DPP10: variants seen among roughly 807,000 people sequenced by gnomAD.
DPP10 encodes dipeptidyl peptidase like 10, also known as inactive dipeptidyl peptidase 10.
Under a neutral mutation model 120.9 loss-of-function variants are expected in DPP10, and 33 were observed. The ratio of observed to expected loss-of-function variants is 0.27; its 90% CI spans 0.21 to 0.37. The LOEUF is 0.37. Among genes scored for constraint, DPP10 ranks in the 10% least tolerant of loss-of-function variants. The pLI is 1.00. For synonymous variants in DPP10, 337 were observed against 326.1 expected (o/e 1.03, Z -0.36); for missense variants, 816 against 942.8 (o/e 0.87, Z 1.76).
chr2:114,788,251 A>G (rs1274122360), intron 1 of DPP10, among the ~76,000 whole-genome samples: 1 of 152,080 alleles, frequency 6.6e-6, no homozygotes, highest in Admixed American at 6.6e-5. Flanking sequence ...ATTTTCCTAC[A>G]TTTTAATATT....
At chr2:114,753,631 T>C (rs539359774) in intron 1 of DPP10, among the ~76,000 whole-genome samples, 2 of 152,026 alleles carry the variant, frequency 1.3e-5, no homozygotes, top group African/African-American at 4.8e-5. Flanking sequence ...GAAAATGGGC[T>C]GGGCGCGGTG....
At chr2:115,781,134 T>C in intron 16 of DPP10, 139 bp downstream of exon 16, 1 of 569,566 alleles carries the variant, frequency 1.8e-6, no homozygotes, top group Non-Finnish European at 2.7e-6. Context: ...ATACATTATA[T>C]ATAGACTTAC....
intron 3 of DPP10, among the ~76,000 whole-genome samples, chr2:115,490,137 A>G (rs1476595544): frequency 6.6e-6 from 1 of 152,120 alleles, no homozygotes; most frequent in Non-Finnish European, 1.5e-5. Flanking sequence ...TTATAGTTGT[A>G]TTAGCCTGTT....
At chr2:114,538,011 A>G (rs1393459640) in intron 1 of DPP10, among the ~76,000 whole-genome samples, 1 of 152,240 alleles carries the variant, frequency 6.6e-6, no homozygotes, top group Non-Finnish European at 1.5e-5. Flanking sequence ...CCTTAACACT[A>G]GTTCATTGAT....
chr2:115,580,203 A>G (rs1216392218), intron 5 of DPP10: 1 of 152,226 alleles, frequency 6.6e-6, no homozygotes, highest in Non-Finnish European at 1.5e-5. Context: ...TAGTGCCATT[A>G]GCATTTTCTT....
At chr2:114,807,866 A>G (rs553151585) in intron 1 of DPP10, among the ~76,000 whole-genome samples, 1 of 152,316 alleles carries the variant, frequency 6.6e-6, no homozygotes, top group East Asian at 1.9e-4. Flanking sequence ...AGAGGCTCAG[A>G]TGTCTGGGGA....
At chr2:115,723,591 G>C (rs2149619930) in intron 7 of DPP10, among the ~76,000 whole-genome samples, 1 of 146,290 alleles carries the variant, frequency 6.8e-6, no homozygotes, top group African/African-American at 2.5e-5. Flanking sequence ...CTGCAGGTTG[G>C]TGTATTTTGT....
intron 1 of DPP10, among the ~76,000 whole-genome samples, chr2:115,060,546 T>A (rs935580310): frequency 6.6e-6 from 1 of 152,206 alleles, no homozygotes; most frequent in Admixed American, 6.5e-5. Context: ...GAGCGGAGAC[T>A]GTGCCACTGC....
At chr2:114,800,514 A>G (rs890818699) in intron 1 of DPP10, among the ~76,000 whole-genome samples, 1 of 152,218 alleles carries the variant, frequency 6.6e-6, no homozygotes, top group South Asian at 2.1e-4. Flanking sequence ...GAATAGCACA[A>G]AAGAGTCTTA....
chr2:115,647,648 G>T (rs1168198482), intron 5 of DPP10, among the ~76,000 whole-genome samples: 1 of 152,074 alleles, frequency 6.6e-6, no homozygotes, highest in Non-Finnish European at 1.5e-5. Flanking sequence ...ATATAAAACA[G>T]AAATTAATTT....
At chr2:115,154,426 T>C (rs2104918025) in intron 1 of DPP10, among the ~76,000 whole-genome samples, 1 of 152,288 alleles carries the variant, frequency 6.6e-6, no homozygotes, top group African/African-American at 2.4e-5. Flanking sequence ...CTTACTCATA[T>C]CCAACATCAG....
intron 1 of DPP10, among the ~76,000 whole-genome samples, chr2:114,917,333 T>C (rs907541013): frequency 6.6e-6 from 1 of 152,080 alleles, no homozygotes; most frequent in Non-Finnish European, 1.5e-5. Flanking sequence ...CATAAACAAA[T>C]GGAAAAACAT....
intron 11 of DPP10, 80 bp from the exon 12 acceptor site, chr2:115,762,492 A>G: frequency 6.9e-7 from 1 of 1,457,668 alleles, no homozygotes; most frequent in Non-Finnish European, 9.6e-7. Flanking sequence ...AAAACTGATA[A>G]CCGTGTTTTA....
intron 1 of DPP10, among the ~76,000 whole-genome samples, chr2:115,248,659 G>C (rs1290912693): frequency 6.6e-6 from 1 of 151,996 alleles, no homozygotes; most frequent in Non-Finnish European, 1.5e-5. Flanking sequence ...TGGGGTAAAG[G>C]GTAGCAAACT....
intron 1 of DPP10, among the ~76,000 whole-genome samples, chr2:115,079,112 G>A (rs1708038273): frequency 6.6e-6 from 1 of 152,222 alleles, no homozygotes; most frequent in South Asian, 2.1e-4. Context: ...CGGGCGCGGT[G>A]GCTCACGCCT....
In DPP10 at chr2:115,547,602, G is replaced by A. The variant is rs543239341; in HGVS notation, c.441+21630G>A. Among the ~76,000 whole-genome samples, 30 of 151,966 alleles carry A rather than the reference G, an allele frequency of 2.0e-4. No homozygotes were observed. In the East Asian group the frequency reaches 4.9e-3, roughly 25 times the overall value. On this transcript the variant is annotated intron_variant, in intron 5 of 25. Coordinates refer to ENST00000410059, the MANE Select transcript of DPP10 (RefSeq NM_020868.6). The stretch of plus-strand genomic sequence containing the variant: ...TGCCTGGGCAACATGGTGAAACCCC[G>A]CCTCTACAAAAGAATTAGCTGGGCA...
chr2:115,780,038 G>A lies in DPP10; in HGVS notation c.1362-836G>A, dbSNP rs567319593. 5.5e-4 allele frequency among the ~76,000 whole-genome samples: 84 copies of A among 151,854 alleles called. 1 individual carries two copies. Among genetic ancestry groups the A allele is most frequent in the African/African-American group, 1.4e-3 (59 of 41,492 alleles). Reference sequence around the variant, plus strand: ...GAATATTGTTCATTTGTAAATATACGACCAAAAATCATGTTTCATTCCAAA... The same window carrying A: ...GAATATTGTTCATTTGTAAATATACAACCAAAAATCATGTTTCATTCCAAA... On this transcript the variant is annotated intron_variant, in intron 15 of 25. Coordinates refer to ENST00000410059, the MANE Select transcript of DPP10 (RefSeq NM_020868.6).
chr2:115,606,397 A>T (rs2083708784), intron 5 of DPP10, among the ~76,000 whole-genome samples: 1 of 152,180 alleles, frequency 6.6e-6, no homozygotes, highest in African/African-American at 2.4e-5. Context: ...ATAACACTAC[A>T]TTAAAAATAT....
intron 5 of DPP10, among the ~76,000 whole-genome samples, chr2:115,616,162 G>C (rs1305540155): frequency 6.6e-6 from 1 of 152,028 alleles, no homozygotes; most frequent in African/African-American, 2.4e-5. Flanking sequence ...CTCGTATTCT[G>C]TACAACAGTG....
Sources: gnomAD v4.1 joint callset for allele counts (sites outside exome capture counted in the v4.1 genomes callset) on GRCh38, gnomAD v4.1.1 for gene constraint, MANE v1.5 for transcripts, NCBI Gene and HGNC (gene_info 2026-07-23, HGNC 2026-07-21) for gene names.